Variants in PLCL2 observed in about 807,000 individuals in gnomAD.
PLCL2 encodes the protein inactive phospholipase C-like protein 2.
In PLCL2, 4 loss-of-function variants were observed where a neutral mutation model predicts 79.6. The observed-to-expected ratio is 0.05, with a 90% confidence interval of 0.02 to 0.11. The LOEUF (loss-of-function observed/expected upper bound fraction) is 0.11. Ranked by LOEUF, PLCL2 falls within the 10% of genes least tolerant of loss-of-function variation. PLCL2 has a pLI of 1.00. For missense variants in PLCL2, 895 were observed against 1,291.0 expected (o/e 0.69, Z 4.70); for synonymous variants, 484 against 457.7 (o/e 1.06, Z -0.73).
chr3:17,078,637 A>G (rs1161787329), intron 5 of PLCL2, among the ~76,000 whole-genome samples: 1 of 152,172 alleles, frequency 6.6e-6, no homozygotes. Flanking sequence ...TTAGGAACCT[A>G]AAACTTCTGC....
chr3:16,997,368 AAG>A (rs1387681835), intron 1 of PLCL2, among the ~76,000 whole-genome samples: 1 of 152,178 alleles, frequency 6.6e-6, no homozygotes, highest in African/African-American at 2.4e-5. Context: ...GAGTTTAGAG[AAG>A]AGAGAACACT....
chr3:16,965,783 A>G (rs1433364221), intron 1 of PLCL2, among the ~76,000 whole-genome samples: 1 of 151,864 alleles, frequency 6.6e-6, no homozygotes, highest in African/African-American at 2.4e-5. Context: ...CTTTGAAGCA[A>G]TTGTGAATGG....
At position 17,063,377 on chromosome 3, in the gene PLCL2, G is replaced by C. The variant is rs1241066900; in HGVS notation, c.3095-4579G>C. On this transcript the variant is annotated intron_variant, in intron 4 of 5. Transcript: ENST00000615277. ...TTTTCTGATATACCCCTCTAATAAT[G>C]ACCCTCTAATGCCTACTGAACATGG... Among the ~76,000 whole-genome samples, 3 of 138,162 alleles carry C rather than the reference G, an allele frequency of 2.2e-5. No homozygotes were observed. The Admixed American group carries it at 2.3e-4, about 10-fold the overall frequency. The allele number at this position is 138,162 out of a possible 152,430, so 90.6% of individuals were successfully genotyped here.
intron 1 of PLCL2, among the ~76,000 whole-genome samples, chr3:16,956,468 A>G (rs893862858): frequency 1.3e-5 from 2 of 152,176 alleles, no homozygotes; most frequent in African/African-American, 2.4e-5. Flanking sequence ...AATGTTCATC[A>G]AGGATATTGG....
intron 1 of PLCL2, among the ~76,000 whole-genome samples, chr3:16,988,692 TG>T (rs1261970497): frequency 6.6e-6 from 1 of 152,132 alleles, no homozygotes; most frequent in African/African-American, 2.4e-5. Flanking sequence ...TATTTTTAAG[TG>T]GTTATCCTGA....
intron 4 of PLCL2, among the ~76,000 whole-genome samples, chr3:17,067,344 A>G (rs1000173580): frequency 1.3e-5 from 2 of 152,216 alleles, no homozygotes; most frequent in African/African-American, 4.8e-5. Flanking sequence ...TGTAAACTAA[A>G]TTTGAATTAG....
At chr3:16,961,841 G>C (rs1389043330) in intron 1 of PLCL2, among the ~76,000 whole-genome samples, 5 of 152,184 alleles carry the variant, frequency 3.3e-5, no homozygotes, top group African/African-American at 9.7e-5. Flanking sequence ...CAGGACCCAA[G>C]GGGGCAAAGG....
At position 16,892,572 on chromosome 3, in the gene PLCL2, T is replaced by C. The variant is rs539979392; in HGVS notation, c.327+7206T>C. ...CTAGTCACATGGTATTCATTGGAAG[T>C]GCTATAAAATTAATAATTAAAAATA... On this transcript the variant is annotated intron_variant, in intron 1 of 5. Transcript: ENST00000615277. Among the ~76,000 whole-genome samples the C allele has an allele frequency of 2.6e-5, 4 of 152,290 alleles. No individual in the cohort carries two copies. The South Asian group carries it at 8.3e-4, about 32-fold the overall frequency.
intron 1 of PLCL2, among the ~76,000 whole-genome samples, chr3:16,999,147 C>G (rs1447988668): frequency 6.6e-6 from 1 of 152,056 alleles, no homozygotes; most frequent in Non-Finnish European, 1.5e-5. Context: ...AAAATTAACA[C>G]AAGACTTTGA....
chr3:16,897,752 T>A (rs563144990), intron 1 of PLCL2, among the ~76,000 whole-genome samples: 2 of 152,354 alleles, frequency 1.3e-5, no homozygotes, highest in Admixed American at 1.3e-4. Context: ...CGTGAATGTG[T>A]ACTTTCTGAA....
chr3:16,916,114 AG>A (rs1696989064), intron 1 of PLCL2, among the ~76,000 whole-genome samples: 1 of 152,208 alleles, frequency 6.6e-6, no homozygotes, highest in African/African-American at 2.4e-5. Context: ...TGCAGACGAC[AG>A]CCGACTTTAA....
intron 3 of PLCL2, among the ~76,000 whole-genome samples, chr3:17,017,831 TAATAA>T (rs200176412): frequency 0.021 from 3,198 of 152,318 alleles, 55 homozygotes; most frequent in South Asian, 0.044. Context: ...TAGACTGTAT[TAATAA>T]AATAGTATTT....
At chr3:17,027,517 C>T (rs1480544727) in intron 3 of PLCL2, among the ~76,000 whole-genome samples, 1 of 152,174 alleles carries the variant, frequency 6.6e-6, no homozygotes, top group African/African-American at 2.4e-5. Flanking sequence ...CTGTACAGAA[C>T]AAATTTGCCA....
chr3:16,981,462 G>A (rs1367656453), intron 1 of PLCL2, among the ~76,000 whole-genome samples: 1 of 152,174 alleles, frequency 6.6e-6, no homozygotes, highest in Non-Finnish European at 1.5e-5. Flanking sequence ...AATGTGTAAT[G>A]TCAGTGTTAA....
At chr3:17,024,392 C>T (rs894381637) in intron 3 of PLCL2, among the ~76,000 whole-genome samples, 2 of 152,116 alleles carry the variant, frequency 1.3e-5, no homozygotes, top group African/African-American at 4.8e-5. Context: ...ATCTTTCCAG[C>T]ATCAAGATTT....
intron 4 of PLCL2, among the ~76,000 whole-genome samples, chr3:17,058,523 T>A (rs966066798): frequency 1.3e-5 from 2 of 152,154 alleles, no homozygotes; most frequent in Admixed American, 1.3e-4. Flanking sequence ...GGGGCAGGCC[T>A]GGTCTTGAAA....
In PLCL2 at chr3:16,970,882, G is replaced by A. The variant is rs1575561680; in HGVS notation, c.328-38792G>A. Among the ~76,000 whole-genome samples, 6 of 150,674 alleles carry A rather than the reference G, an allele frequency of 4.0e-5. No homozygotes were observed. In the East Asian group the frequency reaches 9.8e-4, roughly 25 times the overall value. On this transcript the variant is annotated intron_variant, in intron 1 of 5. Transcript: ENST00000615277. ...CTTCTTTTGAGAAGTGTCTGTTCAT[G>A]TCCTTCGCCCACTTTTTGATGGGGT...
chr3:16,903,958 T>G (rs74810313), intron 1 of PLCL2, among the ~76,000 whole-genome samples: 540 of 152,348 alleles, frequency 3.5e-3, no homozygotes, highest in Non-Finnish European at 6.5e-3. Flanking sequence ...TTTCGTTGAT[T>G]ATGTGCATGT....
At chr3:17,044,917 A>C (rs1457541157) in intron 4 of PLCL2, among the ~76,000 whole-genome samples, 1 of 152,226 alleles carries the variant, frequency 6.6e-6, no homozygotes, top group Non-Finnish European at 1.5e-5. Flanking sequence ...GATTTTGATT[A>C]GGATGGGGGG....
Sources: allele counts gnomAD v4.1 joint callset (sites outside exome capture counted in the v4.1 genomes callset), GRCh38; gene constraint gnomAD v4.1.1; transcripts MANE v1.5; gene names NCBI Gene and HGNC (gene_info 2026-07-23, HGNC 2026-07-21).